Variants in CNBD1 observed in about 807,000 individuals in gnomAD.
The protein encoded by CNBD1 is cyclic nucleotide-binding domain-containing protein 1.
A neutral mutation model predicts 54.4 loss-of-function variants in CNBD1; 71 were observed. That is an observed-to-expected ratio of 1.30 (90% CI 1.08 to 1.59). The LOEUF is 1.59. Ranked by LOEUF, CNBD1 falls within the 40% of genes most tolerant of loss-of-function variation. CNBD1 has a pLI of 0.00. For missense variants in CNBD1, 659 were observed against 518.0 expected (o/e 1.27, Z -2.64); for synonymous variants, 182 against 170.7 (o/e 1.07, Z -0.51).
chr8:87,326,422 C>G (rs1462850049), intron 8 of CNBD1, among the ~76,000 whole-genome samples: 3,706 of 87,196 alleles, frequency 0.043, 152 homozygotes, highest in Middle Eastern at 0.12. Flanking sequence ...TCCATTCTCC[C>G]CATCACTTTC....
chr8:87,151,136 T>C (rs932779426), intron 4 of CNBD1, among the ~76,000 whole-genome samples: 2 of 152,130 alleles, frequency 1.3e-5, no homozygotes, highest in Admixed American at 6.5e-5. Flanking sequence ...GCAGGTACCT[T>C]GGTGGCCAGA....
chr8:87,399,276 C>T (rs569969294), intron 2 of CNBD1, among the ~76,000 whole-genome samples: 3 of 152,026 alleles, frequency 2.0e-5, no homozygotes, highest in Non-Finnish European at 4.4e-5. Flanking sequence ...ATGTGCTTGT[C>T]GTGAGGATAC....
At chr8:87,217,296 T>C (rs1461748601) in intron 5 of CNBD1, among the ~76,000 whole-genome samples, 1 of 152,092 alleles carries the variant, frequency 6.6e-6, no homozygotes, top group Non-Finnish European at 1.5e-5. Context: ...TGGCTAAAAA[T>C]CTTGTGTTTT....
At chr8:87,235,504 G>T (rs1446116224) in intron 5 of CNBD1, among the ~76,000 whole-genome samples, 1 of 152,064 alleles carries the variant, frequency 6.6e-6, no homozygotes, top group Non-Finnish European at 1.5e-5. Flanking sequence ...GGAGTAGAAA[G>T]GCCTGAGGAC....
chr8:87,353,789 A>C lies in CNBD1; in HGVS notation c.1303+3A>C. ...CATTGAAGATAAGGACCTATTTGGT[A>C]AATGCATAAATATCTTTTAACTGTT... On this transcript the variant is annotated splice_donor_region_variant and intron_variant, in intron 10 of 10. Transcript: ENST00000518476. The C allele has an allele frequency of 6.3e-7, 1 of 1,591,174 alleles. No homozygotes were observed. Among genetic ancestry groups the C allele is most frequent in the Non-Finnish European group, 8.5e-7 (1 of 1,170,054 alleles).
chr8:87,048,517 G>T (rs1182126062), intron 4 of CNBD1, among the ~76,000 whole-genome samples: 3 of 152,118 alleles, frequency 2.0e-5, no homozygotes, highest in Non-Finnish European at 4.4e-5. Context: ...GAGGCACAAT[G>T]TAGATGGTAT....
At chr8:87,362,133 T>C (rs773975509) in intron 10 of CNBD1, among the ~76,000 whole-genome samples, 2 of 152,096 alleles carry the variant, frequency 1.3e-5, no homozygotes, top group Non-Finnish European at 2.9e-5. Flanking sequence ...AAAAATGAGC[T>C]TTCTCAGTCA....
intron 8 of CNBD1, among the ~76,000 whole-genome samples, chr8:87,345,359 C>G (rs1019444886): frequency 2.0e-5 from 3 of 152,142 alleles, no homozygotes; most frequent in Non-Finnish European, 4.4e-5. Flanking sequence ...AATGTTTCTA[C>G]TTGCTTAGCA....
At chr8:87,342,842 CA>C (rs1479476911) in intron 8 of CNBD1, among the ~76,000 whole-genome samples, 11 of 152,136 alleles carry the variant, frequency 7.2e-5, no homozygotes, top group Admixed American at 6.5e-4. Flanking sequence ...GTCCATGTCC[CA>C]CTGTGCACGC....
intron 8 of CNBD1, among the ~76,000 whole-genome samples, chr8:87,325,904 G>A (rs894636111): frequency 1.6e-5 from 2 of 127,032 alleles, no homozygotes; most frequent in African/African-American, 2.9e-5. Flanking sequence ...AGTCTCGATG[G>A]TCTTTACATT....
chr8:87,412,213 T>G (rs1586086580), intron 2 of CNBD1, among the ~76,000 whole-genome samples: 3 of 152,236 alleles, frequency 2.0e-5, no homozygotes, highest in South Asian at 4.1e-4. Flanking sequence ...CATTTATGTA[T>G]GTAATCTCCA....
chr8:87,278,313 G>A (rs971981732), intron 6 of CNBD1, among the ~76,000 whole-genome samples: 1 of 151,438 alleles, frequency 6.6e-6, no homozygotes, highest in Non-Finnish European at 1.5e-5. Flanking sequence ...TCTGACTGTG[G>A]AAAGACATCT....
chr8:86,869,919 T>C (rs1808417745), intron 1 of CNBD1, among the ~76,000 whole-genome samples: 1 of 152,180 alleles, frequency 6.6e-6, no homozygotes, highest in African/African-American at 2.4e-5. Flanking sequence ...GTTAACTTCC[T>C]TTGTTGGGAT....
intron 2 of CNBD1, among the ~76,000 whole-genome samples, chr8:87,400,574 G>A (rs1394014114): frequency 6.6e-6 from 1 of 151,884 alleles, no homozygotes; most frequent in Non-Finnish European, 1.5e-5. Flanking sequence ...CAGGACACAA[G>A]GAACTAACAA....
At chr8:87,255,388 A>G (rs1807990654) in intron 6 of CNBD1, among the ~76,000 whole-genome samples, 1 of 152,176 alleles carries the variant, frequency 6.6e-6, no homozygotes, top group South Asian at 2.1e-4. Flanking sequence ...TGATAAAATG[A>G]TACCTGTGCA....
chr8:86,957,437 C>T (rs758533178), intron 4 of CNBD1, among the ~76,000 whole-genome samples: 2 of 152,096 alleles, frequency 1.3e-5, no homozygotes, highest in African/African-American at 2.4e-5. Context: ...TGGTAGAATT[C>T]GGCTGTGAAT....
At chr8:86,889,758 A>G (rs547958273) in intron 2 of CNBD1, among the ~76,000 whole-genome samples, 24 of 152,096 alleles carry the variant, frequency 1.6e-4, no homozygotes, top group Non-Finnish European at 2.9e-4. Flanking sequence ...AGGCAGATTT[A>G]TTTTATTTAT....
chr8:87,364,371 A>T (rs1249260155), intron 10 of CNBD1, among the ~76,000 whole-genome samples: 1 of 151,888 alleles, frequency 6.6e-6, no homozygotes, highest in Admixed American at 6.6e-5. Context: ...TTGTAAGAAG[A>T]AGTTAATGTT....
At chr8:87,243,025 T>G (rs1453558396) in intron 6 of CNBD1, among the ~76,000 whole-genome samples, 1 of 152,206 alleles carries the variant, frequency 6.6e-6, no homozygotes, top group Non-Finnish European at 1.5e-5. Context: ...AAAGTTATTT[T>G]GAACAAATTA....
Sources: gnomAD v4.1 joint callset for allele counts (sites outside exome capture counted in the v4.1 genomes callset) on GRCh38, gnomAD v4.1.1 for gene constraint, MANE v1.5 for transcripts, NCBI Gene and HGNC (gene_info 2026-07-23, HGNC 2026-07-21) for gene names.